Variants in NNT observed in about 807,000 individuals in gnomAD.
The protein encoded by NNT is NAD(P) transhydrogenase, mitochondrial.
In NNT, 50 loss-of-function variants were observed where a neutral mutation model predicts 104.8. That is an observed-to-expected ratio of 0.48 (90% CI 0.38 to 0.60). The LOEUF (loss-of-function observed/expected upper bound fraction) is 0.60, where lower values mean the gene tolerates loss of function less well. NNT is among the 20% of genes least tolerant of loss of function. The pLI is 0.00. For missense variants in NNT, 1,131 were observed against 1,330.7 expected, an observed-to-expected ratio of 0.85 and a Z score of 2.33; for synonymous variants, 461 against 490.4, an observed-to-expected ratio of 0.94 and a Z score of 0.79.
chr5:43,700,159 C>T lies in NNT; in HGVS notation c.2917C>T (p.Leu973Phe). 1 of 1,613,620 alleles carries T rather than the reference C, an allele frequency of 6.2e-7. No homozygotes were observed. Among genetic ancestry groups the T allele is most frequent in the South Asian group, 1.1e-5 (1 of 90,956 alleles). The change falls in exon 20 of 22, where the codon CTT (leucine) becomes TTT (phenylalanine). Residue 973 changes from leucine (L) to phenylalanine (F), a missense_variant. Coordinates refer to ENST00000344920, the MANE Select transcript of NNT (RefSeq NM_182977.3). ...HPVAGRMPGQ[L>F]NVLLAEAGVP... ...AGTTGCAGGCCGAATGCCTGGTCAG[C>T]TTAATGTGCTGCTGGCTGAGGCTGG...
At chr5:43,667,011 G>C in intron 17 of NNT, 1 of 1,596,418 alleles carries the variant, frequency 6.3e-7, no homozygotes, top group Non-Finnish European at 8.5e-7. Flanking sequence ...GCTTTACGAG[G>C]GCCTTGATAG....
At chr5:43,608,693 C>T (rs1749350788) in intron 1 of NNT, among the ~76,000 whole-genome samples, 1 of 152,122 alleles carries the variant, frequency 6.6e-6, no homozygotes, top group African/African-American at 2.4e-5. Context: ...AAATGTAAGT[C>T]ACCATTATAC....
chr5:43,648,158 G>A (rs906462715), intron 10 of NNT: 2 of 1,114,640 alleles, frequency 1.8e-6, no homozygotes, highest in Admixed American at 3.9e-5. Context: ...GCTATGCACT[G>A]GAACTTTGGA....
rs951006492 is a variant in NNT, at chr5:43,649,071, A to G, written c.1445-76A>G. 6.0e-5 allele frequency: 89 copies of G among 1,487,320 alleles called. No individual in the cohort carries two copies. The Middle Eastern group carries it at 1.1e-3, about 19-fold the overall frequency. The allele number at this position is 1,487,320 out of a possible 1,614,324, so 92.1% of individuals were successfully genotyped here. A position where few individuals can be genotyped will look rare whatever the true frequency, so the allele number is the denominator to read the frequency against. On this transcript the variant is annotated intron_variant, in intron 10 of 21. Transcript: ENST00000344920. ...TTTAAAAGCATTGGCTATTCCACAT[A>G]TTTATGTATGTGCTTTTAATCTTAC...
At chr5:43,628,415 A>G (rs764822964) in intron 7 of NNT, 28 bp downstream of exon 7, 2 of 1,512,242 alleles carry the variant, frequency 1.3e-6, no homozygotes, top group Admixed American at 4.5e-5. Context: ...CGGTTATTTT[A>G]AAAGCACTTT....
At chr5:43,704,134 A>C (rs1742995307) in intron 21 of NNT, 121 bp from the exon 22 acceptor site, 1 of 723,244 alleles carries the variant, frequency 1.4e-6, no homozygotes, top group Non-Finnish European at 2.1e-6. Context: ...AAGTCCCTGC[A>C]CTAAAGAATT....
chr5:43,643,013 T>C (rs895644620), intron 7 of NNT, among the ~76,000 whole-genome samples: 27 of 152,066 alleles, frequency 1.8e-4, no homozygotes, highest in African/African-American at 6.3e-4. Context: ...CATCCTCGAG[T>C]TCCTGGGCTC....
intron 20 of NNT, among the ~76,000 whole-genome samples, chr5:43,700,980 A>T (rs368562324): frequency 2.0e-5 from 3 of 152,224 alleles, no homozygotes; most frequent in South Asian, 2.1e-4. Flanking sequence ...TTTTAATTTT[A>T]TGTCCCTTTT....
intron 5 of NNT, among the ~76,000 whole-genome samples, chr5:43,619,545 A>T (rs915753504): frequency 6.6e-6 from 1 of 152,138 alleles, no homozygotes; most frequent in Admixed American, 6.5e-5. Context: ...AGGAAATGGG[A>T]GGTGGTGTAA....
At position 43,612,906 on chromosome 5, in the gene NNT, A is replaced by G; in HGVS notation, c.152-2A>G. 6.3e-7 allele frequency: 1 copy of G among 1,593,458 alleles called. No individual in the cohort carries two copies. Among genetic ancestry groups the G allele is most frequent in the Non-Finnish European group, 8.6e-7 (1 of 1,164,740 alleles). On this transcript the variant is annotated splice_acceptor_variant, in intron 2 of 21. Transcript: ENST00000344920. LOFTEE classifies it high-confidence loss of function. ...ATTTTTTTTGCCTTTGCTTGTTTCT[A>G]GGAATTCCATATAAGCAACTGACTG...
In NNT at chr5:43,705,191, G is replaced by T. The variant is rs768906780; in HGVS notation, c.*787G>T. 1.3e-5 allele frequency: 2 copies of T among 152,064 alleles called. No homozygotes were observed. Among genetic ancestry groups the T allele is most frequent in the Non-Finnish European group, 2.9e-5 (2 of 67,992 alleles). The allele number at this position is 152,064 out of a possible 1,614,324, so 9.4% of individuals were successfully genotyped here. On this transcript the variant is annotated 3_prime_UTR_variant, in exon 22 of 22. Transcript: ENST00000344920. ...GTACTATATTAAGTGCACTTGAGTGGAATTCAACATTTGACTAATAAAATG... is the reference window on the plus strand; with the variant it reads ...GTACTATATTAAGTGCACTTGAGTGTAATTCAACATTTGACTAATAAAATG...
intron 19 of NNT, among the ~76,000 whole-genome samples, chr5:43,681,343 G>A (rs2112132265): frequency 6.7e-6 from 1 of 150,070 alleles, no homozygotes; most frequent in East Asian, 2.0e-4. Flanking sequence ...ATCATTGCTT[G>A]AATTATCACA....
At position 43,615,919 on chromosome 5, in the gene NNT, G is replaced by T; in HGVS notation, c.453G>T (p.Leu151=). The stretch of plus-strand genomic sequence containing the variant: ...ACCTTTTAAAGACATCAGGAACGCT[G>T]ATTAGTTTTATTTACCCAGCCCAAA... The part of the protein sequence containing the change: ...EADLLKTSGT[L]ISFIYPAQNP... Residue 151 remains leucine (L), a synonymous_variant, in exon 4 of 22, where the codon CTG becomes CTT. Transcript: ENST00000344920. 1 of 1,614,152 alleles carries T rather than the reference G, an allele frequency of 6.2e-7. No individual in the cohort carries two copies. Among genetic ancestry groups the T allele is most frequent in the Non-Finnish European group, 8.5e-7 (1 of 1,180,016 alleles).
intron 19 of NNT, among the ~76,000 whole-genome samples, chr5:43,683,989 G>A (rs1232457792): frequency 1.3e-5 from 2 of 152,110 alleles, no homozygotes; most frequent in South Asian, 2.1e-4. Flanking sequence ...TTGGGACATG[G>A]TTTTATAGAG....
intron 19 of NNT, among the ~76,000 whole-genome samples, chr5:43,682,208 C>CTTTTTTT (rs71610326): frequency 3.7e-3 from 372 of 100,194 alleles, no homozygotes; most frequent in East Asian, 0.014. Flanking sequence ...TAACTGGATT[C>CTTTTTTT]TTTTTTTTTT....
chr5:43,651,362 A>C (rs1440643388), intron 12 of NNT, among the ~76,000 whole-genome samples: 1 of 151,992 alleles, frequency 6.6e-6, no homozygotes, highest in African/African-American at 2.4e-5. Context: ...AGATCACCTG[A>C]GGTCAGGAGT....
At position 43,613,013 on chromosome 5, in the gene NNT, G is replaced by C; in HGVS notation, c.257G>C (p.Gly86Ala). The change falls in exon 3 of 22, where the codon GGT (glycine) becomes GCT (alanine). Residue 86 changes from glycine (G) to alanine (A), a missense_variant. Gly to Ala is a moderately conservative substitution (Grantham distance 60). Transcript: ENST00000344920. ...GGTGTTCAGAACTTGGTCAAGCAGG[G>C]TTTTAATGTTGTCGTGGAATCGGGT... The part of the protein sequence containing the change: ...PAGVQNLVKQ[G>A]FNVVVESGAG... The C allele has an allele frequency of 6.2e-7, 1 of 1,614,170 alleles. No individual in the cohort carries two copies. Among genetic ancestry groups the C allele is most frequent in the Non-Finnish European group, 8.5e-7 (1 of 1,180,022 alleles).
At chr5:43,610,201 CTTTTTTTTTTT>C (rs3054076) in intron 2 of NNT, among the ~76,000 whole-genome samples, 1 of 126,130 alleles carries the variant, frequency 7.9e-6, no homozygotes, top group African/African-American at 3.0e-5. Context: ...AACTGTCTGT[CTTTTTTTTTTT>C]TTTTTTTTTT....
At chr5:43,665,489 G>A (rs1373754723) in intron 17 of NNT, among the ~76,000 whole-genome samples, 3 of 151,958 alleles carry the variant, frequency 2.0e-5, no homozygotes, top group East Asian at 1.9e-4. Flanking sequence ...ATCTTGCACC[G>A]CCCTTAATCC....
Sources: allele counts gnomAD v4.1 joint callset (sites outside exome capture counted in the v4.1 genomes callset), GRCh38; gene constraint gnomAD v4.1.1; transcripts MANE v1.5; gene names NCBI Gene and HGNC (gene_info 2026-07-23, HGNC 2026-07-21).